Variants in GRID2 observed in about 807,000 individuals in gnomAD.
GRID2 encodes the protein glutamate ionotropic receptor delta type subunit 2, also known as glutamate receptor ionotropic, delta-2.
Under a neutral mutation model 114.8 loss-of-function variants are expected in GRID2, and 33 were observed. The ratio of observed to expected loss-of-function variants is 0.29; its 90% confidence interval spans 0.22 to 0.38. The LOEUF (loss-of-function observed/expected upper bound fraction) is 0.38, where lower values mean the gene tolerates loss of function less well. GRID2 is among the 10% of genes least tolerant of loss of function. The pLI, the probability that GRID2 is intolerant of heterozygous loss-of-function variation, is 1.00. For missense variants in GRID2, 1,184 were observed against 1,257.7 expected (o/e 0.94, Z 0.89); for synonymous variants, 505 against 449.9 (o/e 1.12, Z -1.55).
chr4:92,609,686 T>C lies in GRID2; in HGVS notation c.244+19400T>C, dbSNP rs1729631371. Among the ~76,000 whole-genome samples the C allele has an allele frequency of 2.0e-5, 3 of 151,330 alleles. No homozygotes were observed. The South Asian group carries it at 6.2e-4, about 31-fold the overall frequency. Reference sequence around the variant, plus strand: ...TTCTTTCTTCTCGTGACCACATTAGTACCTTATTTCCATTTATCATGTAAC... The same window carrying C: ...TTCTTTCTTCTCGTGACCACATTAGCACCTTATTTCCATTTATCATGTAAC... On this transcript the variant is annotated intron_variant, in intron 2 of 15. Transcript: ENST00000282020.
chr4:93,304,427 C>G (rs1181019997), intron 8 of GRID2, among the ~76,000 whole-genome samples: 2 of 151,676 alleles, frequency 1.3e-5, no homozygotes, highest in African/African-American at 4.8e-5. Flanking sequence ...ACTAGAGGTG[C>G]TTTTTTCCCC....
At chr4:93,626,814 T>C (rs1391602897) in intron 14 of GRID2, among the ~76,000 whole-genome samples, 1 of 152,144 alleles carries the variant, frequency 6.6e-6, no homozygotes, top group Non-Finnish European at 1.5e-5. Flanking sequence ...TACAAAAGCA[T>C]AACATAAACT....
chr4:93,608,931 G>A (rs1740634861), intron 13 of GRID2, among the ~76,000 whole-genome samples: 1 of 129,040 alleles, frequency 7.7e-6, no homozygotes, highest in Non-Finnish European at 1.7e-5. Flanking sequence ...CCCACCAACA[G>A]TGTCAAAGTG....
chr4:93,053,865 T>A (rs1445430416), intron 2 of GRID2, among the ~76,000 whole-genome samples: 1 of 151,938 alleles, frequency 6.6e-6, no homozygotes, highest in Admixed American at 6.6e-5. Flanking sequence ...CCAAGATCAA[T>A]TAACAATATG....
intron 10 of GRID2, among the ~76,000 whole-genome samples, chr4:93,431,718 G>A (rs974959560): frequency 1.7e-4 from 26 of 152,138 alleles, no homozygotes; most frequent in African/African-American, 6.0e-4. Flanking sequence ...AGGGTCATTG[G>A]TTTTGGTAGA....
chr4:93,194,731 C>T (rs1282067595), intron 4 of GRID2, among the ~76,000 whole-genome samples: 1 of 152,138 alleles, frequency 6.6e-6, no homozygotes, highest in Non-Finnish European at 1.5e-5. Flanking sequence ...CAGTCCCTGA[C>T]CAGGACTCTT....
chr4:92,424,373 A>G (rs756488827), intron 1 of GRID2, among the ~76,000 whole-genome samples: 1 of 152,020 alleles, frequency 6.6e-6, no homozygotes, highest in African/African-American at 2.4e-5. Context: ...ACTGGACAAT[A>G]CTCCAAGTTC....
At chr4:93,250,479 G>T (rs1002693141) in intron 8 of GRID2, among the ~76,000 whole-genome samples, 2 of 151,066 alleles carry the variant, frequency 1.3e-5, no homozygotes, top group African/African-American at 4.9e-5. Context: ...ATGTATCCCA[G>T]AACTTAAAGC....
intron 1 of GRID2, among the ~76,000 whole-genome samples, chr4:92,477,910 C>T (rs1722397704): frequency 6.7e-6 from 1 of 149,856 alleles, no homozygotes; most frequent in African/African-American, 2.4e-5. Flanking sequence ...CAAACATACA[C>T]ATACCATAAA....
intron 2 of GRID2, among the ~76,000 whole-genome samples, chr4:92,764,820 C>A (rs1427071880): frequency 6.6e-6 from 1 of 152,046 alleles, no homozygotes; most frequent in East Asian, 1.9e-4. Flanking sequence ...TCGAGGAATT[C>A]ACTTAGTATT....
intron 13 of GRID2, among the ~76,000 whole-genome samples, chr4:93,594,631 T>C (rs1372491791): frequency 6.6e-6 from 1 of 152,180 alleles, no homozygotes; most frequent in African/African-American, 2.4e-5. Context: ...GCCTGGGCAA[T>C]GGCGGGCGCC....
intron 2 of GRID2, among the ~76,000 whole-genome samples, chr4:92,865,230 A>G (rs1365239838): frequency 6.6e-6 from 1 of 152,230 alleles, no homozygotes; most frequent in Non-Finnish European, 1.5e-5. Context: ...CATAATATTT[A>G]CACAGTCACT....
intron 1 of GRID2, among the ~76,000 whole-genome samples, chr4:92,420,190 A>G (rs569023946): frequency 6.6e-6 from 1 of 152,268 alleles, no homozygotes; most frequent in African/African-American, 2.4e-5. Context: ...TCTTTGCTAT[A>G]GCTTTGCTAG....
intron 2 of GRID2, among the ~76,000 whole-genome samples, chr4:92,927,048 T>C (rs1749861842): frequency 6.6e-6 from 1 of 151,894 alleles, no homozygotes; most frequent in South Asian, 2.1e-4. Context: ...ACTTACCTGA[T>C]TGATAAGAGT....
Position 93,611,698 on chromosome 4 carries a change from G to C in GRID2, c.2194-14571G>C, listed in dbSNP as rs1416825805. On this transcript the variant is annotated intron_variant, in intron 13 of 15. Transcript: ENST00000282020. ...TGAGAGATAGTTTGTTATAATTTCT[G>C]TTCTTTTACATTTGCTGAGGAGAGC... 3.7e-5 allele frequency among the ~76,000 whole-genome samples: 4 copies of C among 109,220 alleles called. No homozygotes were observed. In the Admixed American group the frequency reaches 3.8e-4, roughly 10 times the overall value. The allele number at this position is 109,220 out of a possible 152,430, so 71.7% of individuals were successfully genotyped here.
intron 14 of GRID2, among the ~76,000 whole-genome samples, chr4:93,677,401 C>G (rs997745944): frequency 6.6e-6 from 1 of 152,166 alleles, no homozygotes; most frequent in Non-Finnish European, 1.5e-5. Context: ...TTAAATGTCC[C>G]TATCTGACAG....
chr4:92,659,441 C>T (rs1231423019), intron 2 of GRID2, among the ~76,000 whole-genome samples: 3 of 151,462 alleles, frequency 2.0e-5, no homozygotes, highest in African/African-American at 7.3e-5. Flanking sequence ...ACTGATCTCT[C>T]ACTTTTCAGA....
In GRID2 at chr4:93,455,865, G is replaced by C. The variant is rs761213360; in HGVS notation, c.1749G>C (p.Leu583=). The C allele has an allele frequency of 3.7e-6, 6 of 1,610,850 alleles. No individual in the cohort carries two copies. The highest frequency in any genetic ancestry group is 5.1e-6 in the Non-Finnish European group (6 of 1,177,136). ...IAGTVLLVGL[L]VYLLNWLNPP... is the part of the protein sequence containing the mutation. ...GCACAGTCCTTCTGGTGGGTCTACT[G>C]GTCTACCTCTTGAACTGGCTTAATC... is the stretch of plus-strand genomic sequence containing the variant. The change falls in exon 11 of 16, where the codon CTG becomes CTC. Residue 583 remains leucine, a synonymous_variant. Coordinates refer to ENST00000282020, the MANE Select transcript of GRID2 (RefSeq NM_001510.4).
chr4:93,273,983 T>A (rs1391741118), intron 8 of GRID2, among the ~76,000 whole-genome samples: 1 of 152,192 alleles, frequency 6.6e-6, no homozygotes, highest in African/African-American at 2.4e-5. Flanking sequence ...CTTTTTATAA[T>A]GCAGAATCTG....
Sources: allele counts gnomAD v4.1 joint callset (sites outside exome capture counted in the v4.1 genomes callset), GRCh38; gene constraint gnomAD v4.1.1; transcripts MANE v1.5; gene names NCBI Gene and HGNC (gene_info 2026-07-23, HGNC 2026-07-21).